The following INTS10 variants were observed in gnomAD, a reference collection of about 807,000 sequenced individuals.
The protein encoded by INTS10 is integrator complex subunit 10.
A neutral mutation model predicts 94.4 loss-of-function variants in INTS10; 44 were observed. The ratio of observed to expected loss-of-function variants is 0.47; its 90% confidence interval spans 0.37 to 0.60. The LOEUF is 0.60. Ranked by LOEUF, INTS10 falls within the 20% of genes least tolerant of loss-of-function variation. The probability of loss-of-function intolerance (pLI) is 0.00; values close to 1 mark genes in which losing one functional copy is unlikely to be tolerated. For synonymous variants in INTS10, 341 were observed against 320.7 expected (o/e 1.06, Z -0.68); for missense variants, 797 against 868.7 (o/e 0.92, Z 1.04).
At chr8:19,817,744 C>G in intron 1 of INTS10, 78 bp downstream of exon 1, 1 of 1,513,894 alleles carries the variant, frequency 6.6e-7, no homozygotes, top group East Asian at 2.5e-5. Flanking sequence ...TGGCCCAGAG[C>G]TGCGCCTGCC....
chr8:19,827,736 A>G (rs141659219), intron 9 of INTS10, among the ~76,000 whole-genome samples: 15 of 152,224 alleles, frequency 9.9e-5, no homozygotes, highest in African/African-American at 3.6e-4. Context: ...CTTCTACCCA[A>G]TGCGGAATTT....
intron 13 of INTS10, among the ~76,000 whole-genome samples, chr8:19,839,065 C>G (rs895903716): frequency 1.3e-5 from 2 of 151,516 alleles, no homozygotes; most frequent in African/African-American, 4.9e-5. Flanking sequence ...GAGTGAGACT[C>G]CGTTTCAAAA....
At chr8:19,845,540 C>A (rs1335400802) in intron 15 of INTS10, 164 bp from the exon 16 acceptor site, 3 of 609,866 alleles carry the variant, frequency 4.9e-6, no homozygotes, top group East Asian at 5.6e-5. Context: ...TAGCAATGGG[C>A]AAGTTACTCA....
rs1420083557 is a variant in INTS10 at position 19,830,415 on chromosome 8, G to A, written c.1150G>A (p.Asp384Asn). 1.2e-6 allele frequency: 2 copies of A among 1,613,498 alleles called. No individual in the cohort carries two copies. The highest frequency in any genetic ancestry group is 2.7e-5 in the African/African-American group (2 of 74,872). The change falls in exon 10 of 17, where the codon GAT becomes AAT. Residue 384 changes from aspartate (D) to asparagine (N), a missense_variant. Around this residue, in one of 3 missense-constraint regions of INTS10, gnomAD observed 734 missense variants for 787.8 expected, o/e 0.93. Coordinates refer to ENST00000397977, the MANE Select transcript of INTS10 (RefSeq NM_018142.4). ...EGREKTMSSD[D>N]EDCSAKGRNR... ...CACATTCTTTAAGCAGAGTTCAGACGATGAAGACTGTTCGGCGAAAGGAAG... is the reference window on the plus strand; with the variant it reads ...CACATTCTTTAAGCAGAGTTCAGACAATGAAGACTGTTCGGCGAAAGGAAG...
At chr8:19,848,539 A>G (rs1249368608) in intron 16 of INTS10, among the ~76,000 whole-genome samples, 1 of 152,204 alleles carries the variant, frequency 6.6e-6, no homozygotes, top group Non-Finnish European at 1.5e-5. Context: ...CTATGAGGTG[A>G]TCACCAGCTA....
At chr8:19,824,649 G>A (rs1028009059) in intron 7 of INTS10, 154 bp from the exon 8 acceptor site, 7 of 541,650 alleles carry the variant, frequency 1.3e-5, no homozygotes, top group South Asian at 2.9e-5. Context: ...ATTCAGAAGG[G>A]AAAAGTTACC....
intron 11 of INTS10, 131 bp from the exon 12 acceptor site, chr8:19,833,038 G>T (rs1589990195): frequency 4.6e-6 from 3 of 655,422 alleles, no homozygotes; most frequent in Middle Eastern, 3.1e-4. Context: ...TTCTTCCTCA[G>T]ATGATCAAAC....
At chr8:19,850,309 C>A (rs954797391) in intron 16 of INTS10, among the ~76,000 whole-genome samples, 4 of 152,180 alleles carry the variant, frequency 2.6e-5, no homozygotes, top group African/African-American at 9.6e-5. Context: ...TCTATCCTAG[C>A]GGGACCTCAC....
In INTS10 at chr8:19,844,191, G is replaced by T. The variant is rs180799303; in HGVS notation, c.1835G>T (p.Cys612Phe). Residue 612 changes from cysteine (C) to phenylalanine (F), a missense_variant, in exon 15 of 17, where the codon TGC (cysteine) becomes TTC (phenylalanine). Cys to Phe is a radical substitution (Grantham distance 205). This residue lies in a region of INTS10 where 734 missense variants were observed against 787.8 expected (regional missense o/e 0.93). Transcript: ENST00000397977. ...TTCCTGAAAGCTGTCAATAAAATTTGCCAACAAGGAAATTTCCAATATGAG... is the reference window on the plus strand; with the variant it reads ...TTCCTGAAAGCTGTCAATAAAATTTTCCAACAAGGAAATTTCCAATATGAG... ...NLFLKAVNKI[C>F]QQGNFQYENF... 2,693 of 1,613,630 alleles carry T rather than the reference G, an allele frequency of 1.7e-3. 6 individuals are homozygous for T. The highest frequency in any genetic ancestry group is 1.9e-3 in the Non-Finnish European group (2,299 of 1,179,638).
chr8:19,827,007 G>A (rs754824164), intron 9 of INTS10, among the ~76,000 whole-genome samples: 14 of 152,198 alleles, frequency 9.2e-5, no homozygotes, highest in Non-Finnish European at 1.5e-4. Flanking sequence ...AGGGCAGCAG[G>A]AACAGCCTAT....
intron 13 of INTS10, among the ~76,000 whole-genome samples, chr8:19,840,193 A>C (rs1438599988): frequency 1.3e-5 from 2 of 152,212 alleles, no homozygotes; most frequent in Admixed American, 6.5e-5. Flanking sequence ...TAGCATCAAA[A>C]AAACATAAAA....
At chr8:19,832,448 T>C (rs1270021810) in intron 11 of INTS10, among the ~76,000 whole-genome samples, 1 of 152,150 alleles carries the variant, frequency 6.6e-6, no homozygotes, top group Non-Finnish European at 1.5e-5. Flanking sequence ...CATGTGCCTA[T>C]AGTTCCAGCT....
At chr8:19,838,212 C>T (rs966347103) in intron 13 of INTS10, among the ~76,000 whole-genome samples, 5 of 151,868 alleles carry the variant, frequency 3.3e-5, no homozygotes, top group East Asian at 3.9e-4. Flanking sequence ...AAAAATTACC[C>T]GGGTGTGGTG....
chr8:19,831,161 G>A (rs548854875), intron 10 of INTS10, among the ~76,000 whole-genome samples: 2 of 152,204 alleles, frequency 1.3e-5, no homozygotes, highest in Non-Finnish European at 1.5e-5. Flanking sequence ...TTAGCCCGTG[G>A]ACATTCATCC....
At chr8:19,832,334 G>C (rs964931740) in intron 11 of INTS10, among the ~76,000 whole-genome samples, 1 of 152,198 alleles carries the variant, frequency 6.6e-6, no homozygotes, top group African/African-American at 2.4e-5. Context: ...CACTTTGGGA[G>C]GCCGAGGTGG....
At chr8:19,822,664 C>T (rs2128755754) in intron 5 of INTS10, 144 bp downstream of exon 5, 2 of 540,288 alleles carry the variant, frequency 3.7e-6, no homozygotes, top group South Asian at 5.0e-5. Context: ...AATTTAGAAG[C>T]ATTTTAGCTG....
chr8:19,841,929 C>T (rs1399199479), intron 13 of INTS10: 2 of 434,936 alleles, frequency 4.6e-6, no homozygotes, highest in Non-Finnish European at 9.1e-6. Flanking sequence ...ATTCCATGCA[C>T]CTTTTGTTTT....
chr8:19,823,965 G>T lies in INTS10; in HGVS notation c.757G>T (p.Val253Leu), dbSNP rs774442726. The T allele has an allele frequency of 6.2e-7, 1 of 1,613,578 alleles. No individual in the cohort carries two copies. The highest frequency in any genetic ancestry group is 1.7e-5 in the Admixed American group (1 of 59,978). ...EGLTEKSSQIVDPWERLFKIL... is the reference protein window; with the variant it reads ...EGLTEKSSQILDPWERLFKIL... ...GCTGACGGAAAAATCATCCCAGATC[G>T]TGGACCCTTGGGAGAGGTTGTTTAA... is the stretch of plus-strand genomic sequence containing the variant. Residue 253 changes from valine to leucine, a missense_variant, in exon 7 of 17, where the codon GTG (valine) becomes TTG (leucine). Physicochemically the swap from Val to Leu is conservative, Grantham distance 32. Transcript: ENST00000397977.
chr8:19,832,527 G>A (rs7839968), intron 11 of INTS10, among the ~76,000 whole-genome samples: 34,905 of 152,048 alleles, frequency 0.23, 4,188 homozygotes, highest in Middle Eastern at 0.3. Flanking sequence ...CCATGATAGC[G>A]CCACTGCACC....
Sources: gnomAD v4.1 joint callset for allele counts (sites outside exome capture counted in the v4.1 genomes callset) on GRCh38, gnomAD v4.1.1 for gene constraint, gnomAD v4.1.1 regional missense constraint, MANE v1.5 for transcripts, NCBI Gene and HGNC (gene_info 2026-07-23, HGNC 2026-07-21) for gene names.